The following PTPRD variants were observed in gnomAD, a reference collection of about 807,000 sequenced individuals.
The protein encoded by PTPRD is protein tyrosine phosphatase receptor type D, also known as receptor-type tyrosine-protein phosphatase delta.
PTPRD carries 34 observed loss-of-function variants against 214.5 expected under a neutral mutation model. That is an observed-to-expected ratio of 0.16 (90% CI 0.12 to 0.21). The LOEUF is 0.21. Ranked by LOEUF, PTPRD falls within the 10% of genes least tolerant of loss-of-function variation. PTPRD has a pLI of 1.00. For synonymous variants in PTPRD, 1,128 were observed against 845.7 expected (o/e 1.33, Z -5.79); for missense variants, 2,545 against 2,398.7 (o/e 1.06, Z -1.27).
At chr9:9,773,038 T>C (rs1266500622) in intron 5 of PTPRD, among the ~76,000 whole-genome samples, 1 of 152,162 alleles carries the variant, frequency 6.6e-6, no homozygotes, top group Non-Finnish European at 1.5e-5. Flanking sequence ...ATAGGAAATA[T>C]TGTGCTTTTA....
At chr9:10,116,834 C>T (rs2098734354) in intron 3 of PTPRD, among the ~76,000 whole-genome samples, 1 of 152,030 alleles carries the variant, frequency 6.6e-6, no homozygotes, top group Non-Finnish European at 1.5e-5. Flanking sequence ...ATTAAGCATA[C>T]CCCCAACTGG....
At chr9:9,063,529 G>T (rs1336821171) in intron 10 of PTPRD, among the ~76,000 whole-genome samples, 1 of 152,020 alleles carries the variant, frequency 6.6e-6, no homozygotes, top group African/African-American at 2.4e-5. Flanking sequence ...ACTATAATCT[G>T]TAATTTTATT....
chr9:10,514,391 C>G lies in PTPRD; in HGVS notation c.-600+98007G>C, dbSNP rs187990768. ...ATGATCATTAGCAGTCTTTAACATTCATAATTTGAGCATTTAATCATATAT... is the reference window on the plus strand; with the variant it reads ...ATGATCATTAGCAGTCTTTAACATTGATAATTTGAGCATTTAATCATATAT... On this transcript the variant is annotated intron_variant, in intron 2 of 45. Coordinates refer to ENST00000381196, the MANE Select transcript of PTPRD (RefSeq NM_002839.4). 1.9e-4 allele frequency among the ~76,000 whole-genome samples: 28 copies of G among 151,300 alleles called. No homozygotes were observed. The East Asian group carries it at 5.5e-3, about 30-fold the overall frequency.
At chr9:8,425,013 T>C (rs2094571246) in intron 35 of PTPRD, among the ~76,000 whole-genome samples, 1 of 152,208 alleles carries the variant, frequency 6.6e-6, no homozygotes. Flanking sequence ...TTCACTTTCA[T>C]CTACACTCCC....
At chr9:9,004,524 G>A (rs1200743380) in intron 11 of PTPRD, among the ~76,000 whole-genome samples, 1 of 151,814 alleles carries the variant, frequency 6.6e-6, no homozygotes, top group Admixed American at 6.6e-5. Flanking sequence ...ATCAAGATCC[G>A]GAATGATTGC....
intron 3 of PTPRD, among the ~76,000 whole-genome samples, chr9:10,320,237 T>G (rs185335493): frequency 1.3e-5 from 2 of 152,048 alleles, no homozygotes; most frequent in Non-Finnish European, 2.9e-5. Flanking sequence ...AACCTAGCAA[T>G]TGAGCAGTTC....
At chr9:9,815,565 A>T (rs2048489410) in intron 5 of PTPRD, among the ~76,000 whole-genome samples, 1 of 152,272 alleles carries the variant, frequency 6.6e-6, no homozygotes, top group East Asian at 1.9e-4. Context: ...CAATAAACAA[A>T]ATGTAAAGAA....
chr9:9,224,954 G>T (rs534989211), intron 9 of PTPRD, among the ~76,000 whole-genome samples: 1 of 151,946 alleles, frequency 6.6e-6, no homozygotes, highest in Non-Finnish European at 1.5e-5. Context: ...TTGATAATTT[G>T]ATTGACTTCC....
At chr9:8,529,352 G>A (rs1466750906) in intron 14 of PTPRD, among the ~76,000 whole-genome samples, 1 of 152,032 alleles carries the variant, frequency 6.6e-6, no homozygotes, top group African/African-American at 2.4e-5. Context: ...ACAAGTATAA[G>A]GTTCAACCCA....
chr9:9,758,760 C>A (rs1344976629), intron 6 of PTPRD, among the ~76,000 whole-genome samples: 2 of 147,916 alleles, frequency 1.4e-5, no homozygotes, highest in Middle Eastern at 3.2e-3. Flanking sequence ...CCCCATCCCA[C>A]TACTCCCACC....
At chr9:9,360,762 C>T (rs1596356716) in intron 9 of PTPRD, among the ~76,000 whole-genome samples, 1 of 150,876 alleles carries the variant, frequency 6.6e-6, no homozygotes, top group Non-Finnish European at 1.5e-5. Context: ...TGATAGATAG[C>T]TTTACAGTTT....
intron 2 of PTPRD, among the ~76,000 whole-genome samples, chr9:10,489,950 A>G (rs2132625161): frequency 6.6e-6 from 1 of 152,304 alleles, no homozygotes; most frequent in South Asian, 2.1e-4. Flanking sequence ...ATATAAAGTT[A>G]AAACCACGTA....
At chr9:9,537,603 G>C (rs566277452) in intron 8 of PTPRD, among the ~76,000 whole-genome samples, 1 of 151,926 alleles carries the variant, frequency 6.6e-6, no homozygotes, top group Non-Finnish European at 1.5e-5. Flanking sequence ...CCTGTTCTTA[G>C]ACTAAGGCAT....
At chr9:9,145,048 T>C (rs2099866393) in intron 10 of PTPRD, among the ~76,000 whole-genome samples, 1 of 152,216 alleles carries the variant, frequency 6.6e-6, no homozygotes, top group African/African-American at 2.4e-5. Context: ...TTTAATATCA[T>C]TGAAAATCAT....
chr9:10,301,601 G>A (rs1334645043), intron 3 of PTPRD, among the ~76,000 whole-genome samples: 1 of 152,032 alleles, frequency 6.6e-6, no homozygotes, highest in African/African-American at 2.4e-5. Context: ...GAAAAACACA[G>A]CACAAGAACT....
At chr9:8,454,424 T>G (rs1008734581) in intron 33 of PTPRD, among the ~76,000 whole-genome samples, 2 of 152,198 alleles carry the variant, frequency 1.3e-5, no homozygotes, top group Non-Finnish European at 2.9e-5. Flanking sequence ...ATCATCTTAA[T>G]GAAGTTACTG....
chr9:8,897,543 C>G (rs1464540759), intron 11 of PTPRD, among the ~76,000 whole-genome samples: 2 of 152,146 alleles, frequency 1.3e-5, no homozygotes, highest in Non-Finnish European at 2.9e-5. Context: ...TTGATATCCC[C>G]AGAGAGGGCC....
intron 44 of PTPRD, among the ~76,000 whole-genome samples, chr9:8,330,640 G>A (rs1407355871): frequency 6.6e-6 from 1 of 152,082 alleles, no homozygotes; most frequent in Non-Finnish European, 1.5e-5. Flanking sequence ...GATGCTAGAA[G>A]GGACTTTAAA....
rs1472386784 is a variant in PTPRD at position 8,517,651 on chromosome 9, T to C, written c.1543+197A>G. ...ATTAAAAAGAAGGGGTGTTAATGCATTGTTCTGCTCAAAATGATTAGTTTT... is the reference window on the plus strand; with the variant it reads ...ATTAAAAAGAAGGGGTGTTAATGCACTGTTCTGCTCAAAATGATTAGTTTT... On this transcript the variant is annotated intron_variant, in intron 21 of 45. Transcript: ENST00000381196. Among the ~76,000 whole-genome samples, 7 of 152,346 alleles carry C rather than the reference T, an allele frequency of 4.6e-5. No individual in the cohort carries two copies. The East Asian group carries it at 1.4e-3, about 29-fold the overall frequency.
Sources: allele counts gnomAD v4.1 joint callset (sites outside exome capture counted in the v4.1 genomes callset), GRCh38; gene constraint gnomAD v4.1.1; transcripts MANE v1.5; gene names NCBI Gene and HGNC (gene_info 2026-07-23, HGNC 2026-07-21).